MORC1: variants seen among roughly 807,000 people sequenced by gnomAD.
MORC1 encodes MORC family CW-type zinc finger protein 1.
In MORC1, 59 loss-of-function variants were observed where a neutral mutation model predicts 134.9. That is an observed-to-expected ratio of 0.44 (90% CI 0.35 to 0.54). The LOEUF (loss-of-function observed/expected upper bound fraction) is 0.54. Ranked by LOEUF, MORC1 falls within the 20% of genes least tolerant of loss-of-function variation. The pLI is 0.00. For missense variants in MORC1, 947 were observed against 1,134.5 expected (o/e 0.83, Z 2.37); for synonymous variants, 395 against 391.7 (o/e 1.01, Z -0.10).
At chr3:109,007,974 T>C (rs1948587647) in intron 17 of MORC1, among the ~76,000 whole-genome samples, 1 of 152,112 alleles carries the variant, frequency 6.6e-6, no homozygotes, top group Non-Finnish European at 1.5e-5. Context: ...TATACATATA[T>C]ATACAAATTT....
intron 1 of MORC1, among the ~76,000 whole-genome samples, chr3:109,116,637 G>A (rs571246254): frequency 3.3e-5 from 5 of 152,158 alleles, no homozygotes; most frequent in East Asian, 1.9e-4. Context: ...AGAATTAGCC[G>A]GGCATAGGGG....
At chr3:109,070,844 T>C (rs900016124) in intron 8 of MORC1, among the ~76,000 whole-genome samples, 42 of 152,196 alleles carry the variant, frequency 2.8e-4, no homozygotes. Context: ...TCAGGCAGGA[T>C]CTGAAGCTCA....
intron 12 of MORC1, among the ~76,000 whole-genome samples, chr3:109,057,719 C>A (rs1949993892): frequency 6.6e-6 from 1 of 152,060 alleles, no homozygotes. Flanking sequence ...AACACATCTG[C>A]CAATTTAAAT....
chr3:109,088,987 C>T (rs1950667579), intron 8 of MORC1, among the ~76,000 whole-genome samples: 1 of 152,108 alleles, frequency 6.6e-6, no homozygotes, highest in Non-Finnish European at 1.5e-5. Context: ...ACTGCAGGTT[C>T]TCACTTACAA....
chr3:109,038,287 G>GT (rs137911536), intron 14 of MORC1, among the ~76,000 whole-genome samples: 68,759 of 146,506 alleles, frequency 0.47, 18,471 homozygotes, highest in East Asian at 0.84. Flanking sequence ...TGTTGATGGG[G>GT]TTTTTTTTTT....
intron 21 of MORC1, among the ~76,000 whole-genome samples, chr3:108,998,457 AGGGAGT>A (rs2107514260): frequency 6.6e-6 from 1 of 152,210 alleles, no homozygotes; most frequent in East Asian, 1.9e-4. Flanking sequence ...GGGTCAGGGG[AGGGAGT>A]CTTTTGTGGT....
At chr3:109,040,353 T>TGAAAGAAAGAAAGAAAGAAAGAAA (rs35886667) in intron 14 of MORC1, among the ~76,000 whole-genome samples, 8 of 28,218 alleles carry the variant, frequency 2.8e-4, no homozygotes, top group Admixed American at 5.4e-4. Context: ...CTCAAAGAAC[T>TGAAAGAAAGAAAGAAAGAAAGAAA]GAAAGAAAGA....
intron 18 of MORC1, among the ~76,000 whole-genome samples, chr3:109,005,906 T>G (rs1160459243): frequency 6.6e-6 from 1 of 152,206 alleles, no homozygotes; most frequent in Non-Finnish European, 1.5e-5. Flanking sequence ...TCCGCAACAG[T>G]GCTGAGGGCT....
intron 24 of MORC1, among the ~76,000 whole-genome samples, chr3:108,978,556 A>G (rs2715735): frequency 0.4 from 60,846 of 151,938 alleles, 12,682 homozygotes; most frequent in Middle Eastern, 0.55. Flanking sequence ...TGTGGAATTG[A>G]GTTCAAGTCT....
intron 14 of MORC1, among the ~76,000 whole-genome samples, chr3:109,041,530 G>A (rs944568556): frequency 6.6e-6 from 1 of 151,954 alleles, no homozygotes; most frequent in Non-Finnish European, 1.5e-5. Context: ...TGGCCAACAT[G>A]GTAAACCCCA....
At chr3:109,061,885 G>T in intron 11 of MORC1, 103 bp downstream of exon 11, 1 of 1,020,602 alleles carries the variant, frequency 9.8e-7, no homozygotes, top group Non-Finnish European at 1.5e-6. Flanking sequence ...GCTTATCTGT[G>T]CTTAAAAGTT....
At chr3:109,102,666 G>A (rs528252956) in intron 4 of MORC1, among the ~76,000 whole-genome samples, 10 of 152,012 alleles carry the variant, frequency 6.6e-5, no homozygotes, top group Non-Finnish European at 1.2e-4. Context: ...ACTTGTCTGT[G>A]TTTCAAACAT....
chr3:109,024,191 C>T (rs938964998), intron 17 of MORC1, among the ~76,000 whole-genome samples: 3 of 152,070 alleles, frequency 2.0e-5, no homozygotes, highest in Non-Finnish European at 2.9e-5. Flanking sequence ...TTCTTATGTC[C>T]TTTTTGTCTG....
At chr3:109,020,538 G>A (rs1367340076) in intron 17 of MORC1, among the ~76,000 whole-genome samples, 4 of 152,022 alleles carry the variant, frequency 2.6e-5, no homozygotes, top group South Asian at 4.2e-4. Flanking sequence ...AGGCCGAGGC[G>A]GGTGGATCAC....
chr3:109,065,963 C>T (rs1308880353), intron 9 of MORC1, among the ~76,000 whole-genome samples: 2 of 152,112 alleles, frequency 1.3e-5, no homozygotes, highest in African/African-American at 4.8e-5. Context: ...GAGCTACACA[C>T]TGAGCACACA....
intron 4 of MORC1, among the ~76,000 whole-genome samples, chr3:109,102,039 T>C (rs541257314): frequency 6.6e-6 from 1 of 152,322 alleles, no homozygotes; most frequent in East Asian, 1.9e-4. Context: ...TATGTCATGG[T>C]AGGAGAAACA....
chr3:109,066,987 T>A (rs1190585172), intron 9 of MORC1, among the ~76,000 whole-genome samples: 1 of 152,124 alleles, frequency 6.6e-6, no homozygotes. Flanking sequence ...TACAAAAGAA[T>A]CACTGTTCAA....
chr3:109,096,280 AGACCTACTGG>A (rs755199975), intron 6 of MORC1, among the ~76,000 whole-genome samples: 11 of 152,164 alleles, frequency 7.2e-5, no homozygotes, highest in Non-Finnish European at 1.0e-4. Context: ...AATAAGGCTG[AGACCTACTGG>A]GCTGCATGTT....
intron 14 of MORC1, among the ~76,000 whole-genome samples, chr3:109,053,561 G>T (rs1338649884): frequency 6.6e-6 from 1 of 151,930 alleles, no homozygotes; most frequent in South Asian, 2.1e-4. Flanking sequence ...ACTTATAAGT[G>T]GGAGCTAAAC....
Sources: gnomAD v4.1 joint callset for allele counts (sites outside exome capture counted in the v4.1 genomes callset) on GRCh38, gnomAD v4.1.1 for gene constraint, MANE v1.5 for transcripts, NCBI Gene and HGNC (gene_info 2026-07-23, HGNC 2026-07-21) for gene names.